Variants in PKNOX2 observed in about 807,000 individuals in gnomAD.
PKNOX2 encodes the protein homeobox protein PKNOX2.
Under a neutral mutation model 53.1 loss-of-function variants are expected in PKNOX2, and 14 were observed. The observed-to-expected ratio is 0.26, with a 90% CI of 0.17 to 0.41. The LOEUF (loss-of-function observed/expected upper bound fraction) is 0.41, where lower values mean the gene tolerates loss of function less well. Ranked by LOEUF, PKNOX2 falls within the 10% of genes least tolerant of loss-of-function variation. The probability of loss-of-function intolerance (pLI) is 1.00; values close to 1 mark genes in which losing one functional copy is unlikely to be tolerated. For missense variants in PKNOX2, 496 were observed against 602.8 expected (o/e 0.82, Z 1.85); for synonymous variants, 257 against 242.8 (o/e 1.06, Z -0.54).
intron 2 of PKNOX2, among the ~76,000 whole-genome samples, chr11:125,257,876 A>G (rs1944529680): frequency 6.6e-6 from 1 of 152,232 alleles, no homozygotes; most frequent in Non-Finnish European, 1.5e-5. Flanking sequence ...TCATTAAGCC[A>G]GTGGCGTGGA....
chr11:125,230,634 T>C (rs1942130523), intron 1 of PKNOX2, among the ~76,000 whole-genome samples: 1 of 152,236 alleles, frequency 6.6e-6, no homozygotes, highest in African/African-American at 2.4e-5. Flanking sequence ...AATTTGGTCC[T>C]CATCCCCAAA....
chr11:125,405,396 T>C (rs1955024814), intron 7 of PKNOX2, among the ~76,000 whole-genome samples: 1 of 152,190 alleles, frequency 6.6e-6, no homozygotes, highest in Non-Finnish European at 1.5e-5. Flanking sequence ...CCCAGGGCAG[T>C]TCAAGCCCTT....
At chr11:125,298,623 GA>G (rs1264433573) in intron 2 of PKNOX2, among the ~76,000 whole-genome samples, 1 of 152,206 alleles carries the variant, frequency 6.6e-6, no homozygotes, top group Non-Finnish European at 1.5e-5. Context: ...CTGAGCCGCT[GA>G]AAGGCCAGCC....
intron 6 of PKNOX2, among the ~76,000 whole-genome samples, chr11:125,386,959 C>T (rs1953679834): frequency 6.6e-6 from 1 of 152,114 alleles, no homozygotes; most frequent in Non-Finnish European, 1.5e-5. Context: ...GATAAGGGCT[C>T]GCTTGCTGTC....
chr11:125,411,605 G>A (rs773554822), intron 9 of PKNOX2, 141 bp from the exon 10 acceptor site: 19 of 1,344,698 alleles, frequency 1.4e-5, no homozygotes, highest in Non-Finnish European at 2.0e-5. Context: ...TGGGCTGAGA[G>A]GGAAAGGTGA....
chr11:125,419,900 A>T (rs915489387), intron 10 of PKNOX2, among the ~76,000 whole-genome samples: 1 of 150,364 alleles, frequency 6.7e-6, no homozygotes, highest in South Asian at 2.1e-4. Context: ...AAAAAAAAAA[A>T]GGCCGAGTGC....
chr11:125,211,251 C>T (rs142191242), intron 1 of PKNOX2, among the ~76,000 whole-genome samples: 16 of 152,196 alleles, frequency 1.1e-4, no homozygotes, highest in South Asian at 2.1e-4. Context: ...CTTCCTACTT[C>T]GGAGTAGGCA....
intron 2 of PKNOX2, among the ~76,000 whole-genome samples, chr11:125,262,129 G>A (rs1309241838): frequency 6.6e-6 from 1 of 152,214 alleles, no homozygotes; most frequent in Non-Finnish European, 1.5e-5. Flanking sequence ...GGGCCCACCT[G>A]CTCACAAGAC....
intron 2 of PKNOX2, among the ~76,000 whole-genome samples, chr11:125,291,789 G>A (rs1050688691): frequency 6.6e-6 from 1 of 152,144 alleles, no homozygotes; most frequent in African/African-American, 2.4e-5. Flanking sequence ...AAAAACATAT[G>A]TTAAGTGAAG....
intron 2 of PKNOX2, among the ~76,000 whole-genome samples, chr11:125,287,417 G>C (rs1271113817): frequency 6.6e-6 from 1 of 152,238 alleles, no homozygotes; most frequent in Non-Finnish European, 1.5e-5. Context: ...CAGAGCCACA[G>C]TGGCTGCAAC....
At chr11:125,196,114 G>T (rs1387949843) in intron 1 of PKNOX2, among the ~76,000 whole-genome samples, 2 of 152,246 alleles carry the variant, frequency 1.3e-5, no homozygotes, top group East Asian at 3.9e-4. Context: ...GATCCTTAGA[G>T]GGGCGACTTT....
chr11:125,213,715 C>T (rs1057263810), intron 1 of PKNOX2, among the ~76,000 whole-genome samples: 1 of 152,100 alleles, frequency 6.6e-6, no homozygotes, highest in South Asian at 2.1e-4. Context: ...GCCATGGCCT[C>T]CCAAAGTGCT....
chr11:125,309,567 T>C (rs956184962), intron 2 of PKNOX2, among the ~76,000 whole-genome samples: 1 of 152,096 alleles, frequency 6.6e-6, no homozygotes, highest in African/African-American at 2.4e-5. Flanking sequence ...TTGCATTTTT[T>C]AGTAGAGACA....
intron 1 of PKNOX2, among the ~76,000 whole-genome samples, chr11:125,202,507 G>C (rs1248822648): frequency 6.6e-6 from 1 of 152,212 alleles, no homozygotes; most frequent in Non-Finnish European, 1.5e-5. Context: ...AAAGAGGTCT[G>C]GGCAGTTGGC....
chr11:125,383,737 C>T (rs185895193), intron 5 of PKNOX2, among the ~76,000 whole-genome samples: 41 of 152,250 alleles, frequency 2.7e-4, no homozygotes, highest in Non-Finnish European at 5.6e-4. Flanking sequence ...TTACAGCAGC[C>T]ATATTTCAAG....
At chr11:125,387,358 T>G (rs1953706557) in intron 6 of PKNOX2, among the ~76,000 whole-genome samples, 1 of 152,160 alleles carries the variant, frequency 6.6e-6, no homozygotes, top group South Asian at 2.1e-4. Flanking sequence ...ACTGGGTAGC[T>G]AATGTGAAAT....
At chr11:125,277,071 T>G (rs570055319) in intron 2 of PKNOX2, among the ~76,000 whole-genome samples, 50 of 152,216 alleles carry the variant, frequency 3.3e-4, no homozygotes, top group African/African-American at 1.1e-3. Flanking sequence ...GAAGTAGGAT[T>G]GGAGAATTGC....
chr11:125,332,513 T>C (rs1256983726), intron 3 of PKNOX2: 1 of 152,226 alleles, frequency 6.6e-6, no homozygotes, highest in Non-Finnish European at 1.5e-5. Flanking sequence ...GATAGGGTTT[T>C]TTAAATCCCC....
chr11:125,312,557 G>C (rs1210805330), intron 2 of PKNOX2, among the ~76,000 whole-genome samples: 1 of 152,202 alleles, frequency 6.6e-6, no homozygotes, highest in African/African-American at 2.4e-5. Context: ...GTTGAGGCAG[G>C]AGGGCCGGGG....
Sources: allele counts gnomAD v4.1 joint callset (sites outside exome capture counted in the v4.1 genomes callset), GRCh38; gene constraint gnomAD v4.1.1; transcripts MANE v1.5; gene names NCBI Gene and HGNC (gene_info 2026-07-23, HGNC 2026-07-21).